OPCML: variants seen among roughly 807,000 people sequenced by gnomAD.
The protein encoded by OPCML is opioid binding protein/cell adhesion molecule like, also known as opioid-binding protein/cell adhesion molecule.
A neutral mutation model predicts 37.8 loss-of-function variants in OPCML; 13 were observed. The observed-to-expected ratio is 0.34, with a 90% CI of 0.22 to 0.55. The LOEUF is 0.55. Ranked by LOEUF, OPCML falls within the 20% of genes least tolerant of loss-of-function variation. The pLI, the probability that OPCML is intolerant of heterozygous loss-of-function variation, is 0.91. For missense variants in OPCML, 341 were observed against 435.6 expected (o/e 0.78, Z 1.93); for synonymous variants, 176 against 168.8 (o/e 1.04, Z -0.33).
intron 3 of OPCML, among the ~76,000 whole-genome samples, chr11:132,644,311 C>A (rs1175005306): frequency 6.6e-6 from 1 of 152,094 alleles, no homozygotes; most frequent in African/African-American, 2.4e-5. Flanking sequence ...AATCACCCTT[C>A]ATCTGTCAAT....
At chr11:133,142,879 G>A (rs1268229979) in intron 1 of OPCML, among the ~76,000 whole-genome samples, 1 of 151,968 alleles carries the variant, frequency 6.6e-6, no homozygotes, top group African/African-American at 2.4e-5. Flanking sequence ...AACACAGTCT[G>A]GGCAAAGAAC....
intron 2 of OPCML, among the ~76,000 whole-genome samples, chr11:132,852,512 T>A (rs185063514): frequency 6.6e-6 from 1 of 151,892 alleles, no homozygotes; most frequent in African/African-American, 2.4e-5. Flanking sequence ...AAGGCAATAG[T>A]GGGTGGAACT....
At chr11:132,559,642 CTT>C (rs1457179346) in intron 3 of OPCML, among the ~76,000 whole-genome samples, 1 of 152,130 alleles carries the variant, frequency 6.6e-6, no homozygotes, top group African/African-American at 2.4e-5. Flanking sequence ...AACTCTACTC[CTT>C]CAGAGATTAC....
intron 3 of OPCML, among the ~76,000 whole-genome samples, chr11:132,634,467 G>A (rs1260652275): frequency 6.6e-6 from 1 of 152,160 alleles, no homozygotes; most frequent in Non-Finnish European, 1.5e-5. Flanking sequence ...ATAAGGCAAA[G>A]GGGGACTGAA....
intron 4 of OPCML, among the ~76,000 whole-genome samples, chr11:132,511,420 G>A (rs1034804184): frequency 1.3e-5 from 2 of 151,818 alleles, no homozygotes; most frequent in Admixed American, 6.6e-5. Flanking sequence ...TTGTCAAACC[G>A]ATTATAAAAT....
At chr11:133,075,258 C>G (rs914102214) in intron 1 of OPCML, among the ~76,000 whole-genome samples, 1 of 152,168 alleles carries the variant, frequency 6.6e-6, no homozygotes, top group Non-Finnish European at 1.5e-5. Context: ...GTTTGGCAAC[C>G]TGCTATGTGC....
chr11:132,867,431 C>T (rs576378994), intron 2 of OPCML, among the ~76,000 whole-genome samples: 1 of 152,186 alleles, frequency 6.6e-6, no homozygotes, highest in African/African-American at 2.4e-5. Flanking sequence ...ATAGAAGTTA[C>T]TTTCATTGAG....
At chr11:132,433,104 G>A (rs189880751) in intron 7 of OPCML, among the ~76,000 whole-genome samples, 7 of 152,246 alleles carry the variant, frequency 4.6e-5, no homozygotes, top group East Asian at 1.9e-4. Context: ...TATAGGGACC[G>A]TGAATGCTGG....
At chr11:132,489,180 A>C (rs1398025169) in intron 4 of OPCML, among the ~76,000 whole-genome samples, 4 of 150,452 alleles carry the variant, frequency 2.7e-5, no homozygotes, top group African/African-American at 9.8e-5. Context: ...AGACATAAAC[A>C]CACACATTAG....
At chr11:133,027,803 TG>T (rs1947590768) in intron 1 of OPCML, among the ~76,000 whole-genome samples, 1 of 150,462 alleles carries the variant, frequency 6.6e-6, no homozygotes, top group Non-Finnish European at 1.5e-5. Context: ...TGTGTGTGTG[TG>T]GTGTCTGTGG....
In OPCML at chr11:132,889,093, G is replaced by A. The variant is rs182127029; in HGVS notation, c.146+53833C>T. Among the ~76,000 whole-genome samples the A allele has an allele frequency of 4.4e-3, 676 of 152,262 alleles. 4 individuals carry two copies. The highest frequency in any genetic ancestry group is 0.013 in the African/African-American group (558 of 41,554). ...TAGGAATGAAAGAAGGTGGCTTTTG[G>A]GCAATGTATAGAGAACATCTAACTG... On this transcript the variant is annotated intron_variant, in intron 2 of 7. Transcript: ENST00000524381.
intron 2 of OPCML, among the ~76,000 whole-genome samples, chr11:132,798,432 A>G (rs1938459098): frequency 6.6e-6 from 1 of 152,248 alleles, no homozygotes; most frequent in Non-Finnish European, 1.5e-5. Context: ...TATTCCCAGC[A>G]TCATCACCAG....
At chr11:133,161,568 G>A (rs549515760) in intron 1 of OPCML, among the ~76,000 whole-genome samples, 16 of 152,314 alleles carry the variant, frequency 1.1e-4, no homozygotes, top group South Asian at 8.3e-4. Flanking sequence ...AGAGGATCCC[G>A]AAGAGTTCTG....
intron 1 of OPCML, among the ~76,000 whole-genome samples, chr11:132,992,544 A>G (rs73586491): frequency 0.012 from 1,771 of 152,206 alleles, 29 homozygotes; most frequent in African/African-American, 0.04. Context: ...CGACGGAACA[A>G]AAACAGAATT....
At chr11:133,466,589 A>G (rs755852612) in intron 1 of OPCML, among the ~76,000 whole-genome samples, 13 of 152,254 alleles carry the variant, frequency 8.5e-5, no homozygotes, top group Non-Finnish European at 1.8e-4. Context: ...AACTATGCGA[A>G]CATTCGCTAC....
chr11:132,788,548 A>T (rs1167402989), intron 2 of OPCML, among the ~76,000 whole-genome samples: 2 of 152,170 alleles, frequency 1.3e-5, no homozygotes, highest in African/African-American at 4.8e-5. Context: ...TCCAGACGGC[A>T]GGTATTGGGA....
chr11:133,499,874 A>ATATT (rs1555167659), intron 1 of OPCML, among the ~76,000 whole-genome samples: 2 of 120,282 alleles, frequency 1.7e-5, no homozygotes, highest in African/African-American at 7.3e-5. Flanking sequence ...ATATATATAT[A>ATATT]TTTTTTTTTT....
intron 2 of OPCML, among the ~76,000 whole-genome samples, chr11:132,828,260 G>A (rs1940480244): frequency 1.3e-5 from 2 of 152,110 alleles, no homozygotes; most frequent in South Asian, 4.1e-4. Flanking sequence ...TGAGCGCGTG[G>A]AACACAGAAG....
At chr11:132,643,510 C>G (rs1386662526) in intron 3 of OPCML, among the ~76,000 whole-genome samples, 2 of 152,180 alleles carry the variant, frequency 1.3e-5, no homozygotes, top group African/African-American at 4.8e-5. Context: ...CCTCAGAACA[C>G]CAAGCCACGG....
Sources: gnomAD v4.1 joint callset for allele counts (sites outside exome capture counted in the v4.1 genomes callset) on GRCh38, gnomAD v4.1.1 for gene constraint, MANE v1.5 for transcripts, NCBI Gene and HGNC (gene_info 2026-07-23, HGNC 2026-07-21) for gene names.